The following TAFA1 variants were observed in gnomAD, a reference collection of about 807,000 sequenced individuals.
TAFA1 encodes chemokine-like protein TAFA-1.
A neutral mutation model predicts 18.5 loss-of-function variants in TAFA1; 4 were observed. The ratio of observed to expected loss-of-function variants is 0.22; its 90% CI spans 0.11 to 0.49. TAFA1 has a LOEUF of 0.49. TAFA1 is among the 20% of genes least tolerant of loss of function. The pLI is 0.98. For synonymous variants in TAFA1, 56 were observed against 55.2 expected, an observed-to-expected ratio of 1.01 and a Z score of -0.06; for missense variants, 147 against 169.0, an observed-to-expected ratio of 0.87 and a Z score of 0.72.
At chr3:67,994,490 G>A in the TAFA1 span, among the ~76,000 whole-genome samples, 1 of 152,186 alleles carries the variant, frequency 6.6e-6, no homozygotes. Context: ...TAGTTAGAAT[G>A]CTTTTGATTC....
intron 3 of TAFA1, among the ~76,000 whole-genome samples, chr3:68,501,630 A>C (rs1449390533): frequency 1.3e-5 from 2 of 152,204 alleles, no homozygotes; most frequent in African/African-American, 4.8e-5. Flanking sequence ...GAGTGATGAC[A>C]GTGGACAGGT....
At chr3:68,245,522 G>A (rs750037603) in intron 2 of TAFA1, among the ~76,000 whole-genome samples, 7 of 152,136 alleles carry the variant, frequency 4.6e-5, no homozygotes, top group Non-Finnish European at 7.4e-5. Flanking sequence ...CATAGATATG[G>A]ATACTAAGAC....
upstream of TAFA1, among the ~76,000 whole-genome samples, chr3:68,000,874 C>T (rs747152174): frequency 6.6e-6 from 1 of 152,150 alleles, no homozygotes; most frequent in Non-Finnish European, 1.5e-5. Flanking sequence ...TGGGGAGGGA[C>T]ATGGCCAGAA....
At chr3:68,492,319 G>GTT (rs1048261596) in intron 3 of TAFA1, among the ~76,000 whole-genome samples, 2 of 149,686 alleles carry the variant, frequency 1.3e-5, no homozygotes, top group African/African-American at 4.9e-5. Context: ...TTGTTTTTTT[G>GTT]TTTTTTTTTG....
intron 2 of TAFA1, among the ~76,000 whole-genome samples, chr3:68,268,413 G>GAGACA (rs2067589719): frequency 6.6e-6 from 1 of 152,120 alleles, no homozygotes; most frequent in Non-Finnish European, 1.5e-5. Flanking sequence ...CATTGTGGGT[G>GAGACA]TGGAGACATG....
intron 2 of TAFA1, among the ~76,000 whole-genome samples, chr3:68,368,832 A>G (rs1559636734): frequency 6.6e-6 from 1 of 152,196 alleles, no homozygotes; most frequent in Non-Finnish European, 1.5e-5. Context: ...TTCAGAAGCA[A>G]GGCAGCATCA....
At chr3:68,039,154 A>G (rs1480184000) in intron 2 of TAFA1, among the ~76,000 whole-genome samples, 1 of 152,192 alleles carries the variant, frequency 6.6e-6, no homozygotes, top group Admixed American at 6.6e-5. Context: ...TATTAATTGC[A>G]TAGTTTCTTA....
chr3:68,073,930 A>T (rs2064790164), intron 2 of TAFA1, among the ~76,000 whole-genome samples: 1 of 152,184 alleles, frequency 6.6e-6, no homozygotes, highest in South Asian at 2.1e-4. Flanking sequence ...TGGTTTTGGG[A>T]TGATTCAAGC....
At chr3:68,122,270 A>G (rs2065408819) in intron 2 of TAFA1, among the ~76,000 whole-genome samples, 1 of 152,074 alleles carries the variant, frequency 6.6e-6, no homozygotes. Context: ...ATTCCAGCAT[A>G]TGGCCAGCAT....
At chr3:68,229,661 G>A (rs2066846414) in intron 2 of TAFA1, among the ~76,000 whole-genome samples, 2 of 152,280 alleles carry the variant, frequency 1.3e-5, no homozygotes, top group South Asian at 2.1e-4. Flanking sequence ...TTTTTCGTAG[G>A]TGGGAAGAAG....
At chr3:68,283,626 G>A (rs766232508) in intron 2 of TAFA1, among the ~76,000 whole-genome samples, 30 of 152,000 alleles carry the variant, frequency 2.0e-4, no homozygotes, top group Admixed American at 3.3e-4. Context: ...AAGTATTTTT[G>A]TGAGGACTTA....
chr3:68,388,984 AAAGT>A (rs2070167551), intron 2 of TAFA1, among the ~76,000 whole-genome samples: 1 of 152,184 alleles, frequency 6.6e-6, no homozygotes, highest in African/African-American at 2.4e-5. Flanking sequence ...TTTTACAATG[AAAGT>A]AAGAAAAGTA....
At chr3:68,340,916 A>T (rs1397010978) in intron 2 of TAFA1, among the ~76,000 whole-genome samples, 1 of 152,224 alleles carries the variant, frequency 6.6e-6, no homozygotes, top group Non-Finnish European at 1.5e-5. Context: ...GAATTCAGAT[A>T]AAAGAAAACA....
At chr3:68,328,968 T>G (rs1007968652) in intron 2 of TAFA1, among the ~76,000 whole-genome samples, 6 of 151,906 alleles carry the variant, frequency 3.9e-5, no homozygotes, top group Non-Finnish European at 5.9e-5. Flanking sequence ...TTCCAAGCCA[T>G]GTACAAAATT....
chr3:68,226,664 A>G (rs935968684), intron 2 of TAFA1, among the ~76,000 whole-genome samples: 25 of 152,208 alleles, frequency 1.6e-4, no homozygotes, highest in African/African-American at 5.8e-4. Context: ...AGGTACTTTC[A>G]TGTATATTAT....
chr3:68,268,449 T>A (rs937231798), intron 2 of TAFA1, among the ~76,000 whole-genome samples: 7 of 152,138 alleles, frequency 4.6e-5, no homozygotes, highest in Non-Finnish European at 1.0e-4. Flanking sequence ...GCAGTTCAAT[T>A]GTCAGCTAAA....
chr3:68,395,522 T>C (rs142829764), intron 2 of TAFA1, among the ~76,000 whole-genome samples: 139 of 152,200 alleles, frequency 9.1e-4, no homozygotes, highest in African/African-American at 3.3e-3. Flanking sequence ...TTTACTGCAG[T>C]ACTGTTCACA....
At chr3:68,276,031 T>C (rs763962691) in intron 2 of TAFA1, among the ~76,000 whole-genome samples, 13 of 152,058 alleles carry the variant, frequency 8.5e-5, no homozygotes, top group African/African-American at 1.7e-4. Flanking sequence ...TAAATATTCA[T>C]TGAATGAAAA....
intron 2 of TAFA1, among the ~76,000 whole-genome samples, chr3:68,063,675 A>G (rs1221087483): frequency 6.6e-6 from 1 of 152,224 alleles, no homozygotes; most frequent in Non-Finnish European, 1.5e-5. Context: ...AATTACAGTC[A>G]TTATTCAGAC....
Sources: gnomAD v4.1 joint callset for allele counts (sites outside exome capture counted in the v4.1 genomes callset) on GRCh38, gnomAD v4.1.1 for gene constraint, MANE v1.5 for transcripts, NCBI Gene and HGNC (gene_info 2026-07-23, HGNC 2026-07-21) for gene names.